The following NAALADL2 variants were observed in gnomAD, a reference collection of about 807,000 sequenced individuals.
The protein encoded by NAALADL2 is inactive N-acetylated-alpha-linked acidic dipeptidase-like protein 2.
In NAALADL2, 76 loss-of-function variants were observed where a neutral mutation model predicts 87.2. That is an observed-to-expected ratio of 0.87 (90% CI 0.72 to 1.05). NAALADL2 has a LOEUF of 1.05. Ranked by LOEUF, NAALADL2 falls within the 50% of genes least tolerant of loss-of-function variation. NAALADL2 has a pLI of 0.00. For missense variants in NAALADL2, 1,089 were observed against 945.8 expected (o/e 1.15, Z -1.99); for synonymous variants, 354 against 331.0 (o/e 1.07, Z -0.75).
intron 1 of NAALADL2, among the ~76,000 whole-genome samples, chr3:174,443,744 C>T (rs934422950): frequency 6.6e-6 from 1 of 151,728 alleles, no homozygotes. Flanking sequence ...TGAGGAGAAA[C>T]CAAAAAGGAG....
At chr3:175,344,686 T>G (rs926580871) in intron 5 of NAALADL2, among the ~76,000 whole-genome samples, 1 of 152,060 alleles carries the variant, frequency 6.6e-6, no homozygotes. Flanking sequence ...TCCAGAAATG[T>G]TGGAGAAGTA....
chr3:174,792,443 T>G (rs868355634), intron 3 of NAALADL2, among the ~76,000 whole-genome samples: 2 of 152,176 alleles, frequency 1.3e-5, no homozygotes, highest in African/African-American at 4.8e-5. Context: ...TCAGCCTCTG[T>G]GCCACTGTCT....
At chr3:175,738,074 CCCT>C (rs1362338737) in intron 12 of NAALADL2, among the ~76,000 whole-genome samples, 14 of 151,948 alleles carry the variant, frequency 9.2e-5, no homozygotes, top group African/African-American at 3.1e-4. Context: ...AAAGATTTCA[CCCT>C]CCTCCTCTTT....
intron 13 of NAALADL2, among the ~76,000 whole-genome samples, chr3:175,792,451 A>G (rs1334155329): frequency 6.6e-6 from 1 of 152,200 alleles, no homozygotes; most frequent in African/African-American, 2.4e-5. Context: ...TTAAGCAAAC[A>G]TTACAATGTT....
chr3:174,744,246 A>T (rs147558439), intron 3 of NAALADL2, among the ~76,000 whole-genome samples: 1 of 151,890 alleles, frequency 6.6e-6, no homozygotes, highest in East Asian at 1.9e-4. Context: ...GGCGGGCCCA[A>T]TGTAATTATA....
intron 3 of NAALADL2, among the ~76,000 whole-genome samples, chr3:174,778,222 G>C (rs1216369175): frequency 1.3e-5 from 2 of 152,018 alleles, no homozygotes; most frequent in Non-Finnish European, 2.9e-5. Flanking sequence ...GGAGGGCTTG[G>C]AACTTATCTT....
At chr3:174,475,643 C>T (rs1485151464) in intron 1 of NAALADL2, among the ~76,000 whole-genome samples, 1 of 151,918 alleles carries the variant, frequency 6.6e-6, no homozygotes, top group Non-Finnish European at 1.5e-5. Flanking sequence ...ATATATCAGA[C>T]ACAGTAGTAA....
At position 174,645,102 on chromosome 3, in the gene NAALADL2, A is replaced by G. The variant is rs570455503; in HGVS notation, c.-114-92539A>G. ...TGGCCATTTCCTGATTGCAGAGAAA[A>G]CAGCTCCCGGTCTAGGGCTAATTTC... is the stretch of plus-strand genomic sequence containing the variant. On this transcript the variant is annotated intron_variant, in intron 2 of 3. Coordinates refer to the NAALADL2 transcript ENST00000434257. 1.6e-4 allele frequency among the ~76,000 whole-genome samples: 25 copies of G among 152,226 alleles called. 2 individuals carry two copies. The South Asian group carries it at 5.2e-3, about 32-fold the overall frequency.
At chr3:175,587,712 T>G (rs1449926437) in intron 10 of NAALADL2, among the ~76,000 whole-genome samples, 1 of 152,076 alleles carries the variant, frequency 6.6e-6, no homozygotes, top group Admixed American at 6.5e-5. Context: ...CCCAAGCCCC[T>G]CATTAGTGAT....
At chr3:175,751,014 T>C (rs1016116126) in intron 12 of NAALADL2, among the ~76,000 whole-genome samples, 7 of 150,002 alleles carry the variant, frequency 4.7e-5, no homozygotes, top group Non-Finnish European at 1.0e-4. Context: ...GTAAGTTAAT[T>C]TCATTTGTCT....
intron 13 of NAALADL2, among the ~76,000 whole-genome samples, chr3:175,786,106 C>T (rs1296385313): frequency 6.6e-6 from 1 of 151,956 alleles, no homozygotes; most frequent in Non-Finnish European, 1.5e-5. Context: ...GAGGGTAACC[C>T]AACCTTTCTC....
intron 2 of NAALADL2, among the ~76,000 whole-genome samples, chr3:175,137,822 C>T (rs1729359194): frequency 6.6e-6 from 1 of 151,848 alleles, no homozygotes; most frequent in Non-Finnish European, 1.5e-5. Context: ...TGGGGTTTCG[C>T]TAGGTTACCC....
intron 11 of NAALADL2, among the ~76,000 whole-genome samples, chr3:175,646,882 T>C (rs1209393977): frequency 6.6e-6 from 1 of 152,000 alleles, no homozygotes; most frequent in African/African-American, 2.4e-5. Context: ...CCCATTATAA[T>C]AGTCAGGAAA....
At chr3:174,624,611 G>A (rs1484950314) in intron 2 of NAALADL2, among the ~76,000 whole-genome samples, 2 of 128,862 alleles carry the variant, frequency 1.6e-5, no homozygotes, top group African/African-American at 6.2e-5. Flanking sequence ...GCGACAGAGC[G>A]AGACTCCATC....
At chr3:175,653,087 A>G (rs1175164420) in intron 11 of NAALADL2, among the ~76,000 whole-genome samples, 2 of 152,182 alleles carry the variant, frequency 1.3e-5, no homozygotes, top group Non-Finnish European at 2.9e-5. Flanking sequence ...TATATTTACT[A>G]TTCATTAAAT....
At chr3:175,510,830 C>A (rs999747169) in intron 9 of NAALADL2, among the ~76,000 whole-genome samples, 1 of 152,152 alleles carries the variant, frequency 6.6e-6, no homozygotes, top group Non-Finnish European at 1.5e-5. Context: ...CCTTTCATCA[C>A]CCCTAAAGTC....
intron 2 of NAALADL2, chr3:175,218,263 T>C (rs1340834327): frequency 5.2e-5 from 14 of 268,748 alleles, no homozygotes; most frequent in Non-Finnish European, 1.5e-5. Context: ...CAATGGGTTA[T>C]ATACAAAAGA....
At chr3:175,727,597 G>A (rs1425002652) in intron 11 of NAALADL2, among the ~76,000 whole-genome samples, 2 of 152,112 alleles carry the variant, frequency 1.3e-5, no homozygotes, top group Non-Finnish European at 2.9e-5. Flanking sequence ...ACCACCTAAG[G>A]TAGTCTTCAT....
chr3:174,777,631 G>A (rs2109132758), intron 3 of NAALADL2, among the ~76,000 whole-genome samples: 1 of 152,228 alleles, frequency 6.6e-6, no homozygotes, highest in Non-Finnish European at 1.5e-5. Context: ...CATATCTGCA[G>A]TGGGAACACA....
Sources: gnomAD v4.1 joint callset for allele counts (sites outside exome capture counted in the v4.1 genomes callset) on GRCh38, gnomAD v4.1.1 for gene constraint, MANE v1.5 for transcripts, NCBI Gene and HGNC (gene_info 2026-07-23, HGNC 2026-07-21) for gene names.